SPIRE1: variants seen among roughly 807,000 people sequenced by gnomAD.
SPIRE1 encodes spire type actin nucleation factor 1, also known as protein spire homolog 1.
A neutral mutation model predicts 94.1 loss-of-function variants in SPIRE1; 40 were observed. The observed-to-expected ratio is 0.43, with a 90% CI of 0.33 to 0.55. SPIRE1 has a LOEUF of 0.55. SPIRE1 is among the 20% of genes least tolerant of loss of function. SPIRE1 has a pLI of 0.06. For missense variants in SPIRE1, 838 were observed against 975.2 expected, an observed-to-expected ratio of 0.86 and a Z score of 1.87; for synonymous variants, 376 against 371.7, an observed-to-expected ratio of 1.01 and a Z score of -0.13.
intron 2 of SPIRE1, among the ~76,000 whole-genome samples, chr18:12,621,952 T>C (rs1567973204): frequency 6.6e-6 from 1 of 152,222 alleles, no homozygotes; most frequent in Non-Finnish European, 1.5e-5. Flanking sequence ...TTAAAAACCT[T>C]ATTTTAATAT....
At chr18:12,569,446 A>G (rs1005009992) in intron 2 of SPIRE1, among the ~76,000 whole-genome samples, 2 of 152,172 alleles carry the variant, frequency 1.3e-5, no homozygotes, top group Non-Finnish European at 2.9e-5. Flanking sequence ...GGAATGTCTA[A>G]TATTTTGCCA....
intron 10 of SPIRE1, among the ~76,000 whole-genome samples, chr18:12,467,458 C>T (rs369898582): frequency 6.6e-6 from 1 of 152,176 alleles, no homozygotes; most frequent in Non-Finnish European, 1.5e-5. Context: ...TTTCTGTTTA[C>T]AGAAGGTCAG....
chr18:12,510,540 CA>C (rs1416031515), intron 5 of SPIRE1, among the ~76,000 whole-genome samples: 2 of 151,372 alleles, frequency 1.3e-5, no homozygotes, highest in Non-Finnish European at 3.0e-5. Flanking sequence ...TGGACTTCAA[CA>C]ATCTTCTTTT....
At chr18:12,562,472 C>T in intron 2 of SPIRE1, among the ~76,000 whole-genome samples, 1 of 151,928 alleles carries the variant, frequency 6.6e-6, no homozygotes. Context: ...ATTTTCTTAA[C>T]ATTTTATTTT....
chr18:12,634,975 C>T (rs2037883156), intron 2 of SPIRE1, 87 bp downstream of exon 2: 2 of 696,894 alleles, frequency 2.9e-6, no homozygotes, highest in African/African-American at 1.9e-5. Context: ...AGACCAAGAA[C>T]CTATAGTGAG....
chr18:12,629,171 T>C (rs2037709698), intron 2 of SPIRE1, among the ~76,000 whole-genome samples: 1 of 152,178 alleles, frequency 6.6e-6, no homozygotes, highest in African/African-American at 2.4e-5. Flanking sequence ...TCTTTCCTGC[T>C]GAAGGGAAAG....
At chr18:12,546,983 G>A in intron 2 of SPIRE1, 79 bp from the exon 3 acceptor site, 1 of 977,102 alleles carries the variant, frequency 1.0e-6, no homozygotes, top group Non-Finnish European at 1.5e-6. Flanking sequence ...AAGATGTTTA[G>A]TATGATTTTT....
intron 4 of SPIRE1, among the ~76,000 whole-genome samples, chr18:12,526,605 T>G (rs115149924): frequency 0.025 from 3,879 of 152,310 alleles, 170 homozygotes; most frequent in African/African-American, 0.088. Context: ...TGAATATTAA[T>G]GCACATAAAG....
At chr18:12,501,428 C>T (rs552865520) in intron 6 of SPIRE1, among the ~76,000 whole-genome samples, 18 of 152,156 alleles carry the variant, frequency 1.2e-4, no homozygotes, top group African/African-American at 2.9e-4. Context: ...TCTGCCGTCA[C>T]GCTGGAGTAC....
chr18:12,577,030 G>C (rs1396984797), intron 2 of SPIRE1, among the ~76,000 whole-genome samples: 1 of 152,088 alleles, frequency 6.6e-6, no homozygotes, highest in African/African-American at 2.4e-5. Flanking sequence ...AAAGTGCCAA[G>C]GTAGTTCAAT....
chr18:12,657,872 G>T lies in SPIRE1; in HGVS notation c.-6C>A, dbSNP rs1240437802. 7 of 1,063,610 alleles carry T rather than the reference G, an allele frequency of 6.6e-6. No individual in the cohort carries two copies. The highest frequency in any genetic ancestry group is 7.9e-6 in the Non-Finnish European group (7 of 883,992). 65.9% of individuals were successfully genotyped at this position (1,063,610 alleles called of 1,614,324 possible). The stretch of plus-strand genomic sequence containing the variant: ...GGGCCAGCCGCCTGAGCCATCCCGC[G>T]GGTGGGCGCTGCGCTCGGCAGTCGC... On this transcript the variant is annotated 5_prime_UTR_variant, in exon 1 of 17. Coordinates refer to ENST00000409402, the MANE Select transcript of SPIRE1 (RefSeq NM_001128626.2).
intron 2 of SPIRE1, 95 bp from the exon 3 acceptor site, chr18:12,546,999 C>T: frequency 1.3e-6 from 1 of 776,068 alleles, no homozygotes; most frequent in Non-Finnish European, 2.1e-6. Flanking sequence ...TTTTTTCCCT[C>T]AAACCAACAT....
At chr18:12,630,891 A>G (rs373904721) in intron 2 of SPIRE1, among the ~76,000 whole-genome samples, 26 of 152,328 alleles carry the variant, frequency 1.7e-4, no homozygotes, top group African/African-American at 6.3e-4. Context: ...AATGGCAGAA[A>G]TAGAAAAACA....
At chr18:12,477,707 G>A (rs2032657629) in intron 10 of SPIRE1, among the ~76,000 whole-genome samples, 1 of 152,162 alleles carries the variant, frequency 6.6e-6, no homozygotes, top group South Asian at 2.1e-4. Context: ...TGGTATCCAG[G>A]AGACTTCCTA....
At chr18:12,513,257 A>G (rs147583956) in intron 4 of SPIRE1, among the ~76,000 whole-genome samples, 3 of 152,308 alleles carry the variant, frequency 2.0e-5, no homozygotes, top group Non-Finnish European at 4.4e-5. Context: ...CAACTTTAAG[A>G]AAATCTTGGT....
chr18:12,581,323 C>T (rs1460779314), intron 2 of SPIRE1, among the ~76,000 whole-genome samples: 1 of 152,142 alleles, frequency 6.6e-6, no homozygotes. Flanking sequence ...ACTAAAGTGA[C>T]TTTCATCTAA....
chr18:12,489,049 T>C (rs965672212), intron 8 of SPIRE1, among the ~76,000 whole-genome samples: 4 of 151,990 alleles, frequency 2.6e-5, no homozygotes, highest in Admixed American at 1.3e-4. Context: ...TTAGCCGGGC[T>C]TGGTGGCGGG....
chr18:12,499,910 A>C (rs902879026), intron 6 of SPIRE1, among the ~76,000 whole-genome samples: 6 of 152,226 alleles, frequency 3.9e-5, no homozygotes, highest in Middle Eastern at 3.2e-3. Context: ...GCAGAAATAC[A>C]AACAATCCAA....
intron 4 of SPIRE1, among the ~76,000 whole-genome samples, chr18:12,527,580 C>A (rs1228183133): frequency 6.6e-6 from 1 of 152,066 alleles, no homozygotes; most frequent in Non-Finnish European, 1.5e-5. Flanking sequence ...GAAAATAAAG[C>A]AGCATTCAAT....
Sources: allele counts gnomAD v4.1 joint callset (sites outside exome capture counted in the v4.1 genomes callset), GRCh38; gene constraint gnomAD v4.1.1; transcripts MANE v1.5; gene names NCBI Gene and HGNC (gene_info 2026-07-23, HGNC 2026-07-21).